The following SP4 variants were observed in gnomAD, a reference collection of about 807,000 sequenced individuals.
SP4 encodes the protein Sp4 transcription factor.
SP4 carries 19 observed loss-of-function variants against 72.8 expected under a neutral mutation model. The observed-to-expected ratio is 0.26, with a 90% CI of 0.18 to 0.38. The LOEUF is 0.38. Among genes scored for constraint, SP4 ranks in the 10% least tolerant of loss-of-function variants. The pLI is 1.00. For missense variants in SP4, 1,008 were observed against 926.3 expected (o/e 1.09, Z -1.14); for synonymous variants, 395 against 333.1 (o/e 1.19, Z -2.02).
chr7:21,489,553 CTTTTTTTT>C (rs1193080485), intron 5 of SP4, among the ~76,000 whole-genome samples: 36 of 82,514 alleles, frequency 4.4e-4, no homozygotes, highest in African/African-American at 8.3e-4. Context: ...TTTCTTTTTT[CTTTTTTTT>C]TTTTTTTTTT....
At chr7:21,477,545 C>G (rs781395373) in intron 4 of SP4, among the ~76,000 whole-genome samples, 1 of 151,992 alleles carries the variant, frequency 6.6e-6, no homozygotes, top group Non-Finnish European at 1.5e-5. Flanking sequence ...CACCCCTCCC[C>G]CACCCCAACA....
intron 3 of SP4, among the ~76,000 whole-genome samples, chr7:21,444,212 AT>A (rs1167597731): frequency 6.6e-6 from 1 of 152,218 alleles, no homozygotes; most frequent in Non-Finnish European, 1.5e-5. Flanking sequence ...AGATGATTGA[AT>A]AACATGGGAC....
At chr7:21,465,532 A>T (rs888362296) in intron 3 of SP4, among the ~76,000 whole-genome samples, 5 of 152,220 alleles carry the variant, frequency 3.3e-5, no homozygotes, top group Admixed American at 3.3e-4. Context: ...GTTTAGTTCG[A>T]TTATAGCCAT....
rs181026085 is a variant in SP4, at chr7:21,503,872, C to T, written c.2108-7150C>T. 1.1e-4 allele frequency among the ~76,000 whole-genome samples: 16 copies of T among 152,268 alleles called. No homozygotes were observed. In the East Asian group the frequency reaches 3.1e-3, roughly 29 times the overall value. ...AGCAAGGGTATAAATCCCTATACACCCATAATTCCTAAGTATTGTATCACA... is the reference window on the plus strand; with the variant it reads ...AGCAAGGGTATAAATCCCTATACACTCATAATTCCTAAGTATTGTATCACA... On this transcript the variant is annotated intron_variant, in intron 5 of 5. Transcript: ENST00000222584.
intron 3 of SP4, among the ~76,000 whole-genome samples, chr7:21,456,928 C>T (rs1448678437): frequency 6.6e-6 from 1 of 152,140 alleles, no homozygotes; most frequent in Non-Finnish European, 1.5e-5. Flanking sequence ...GGAGCAGAGC[C>T]ACTGTGGCCA....
At chr7:21,505,874 A>G (rs1461905717) in intron 5 of SP4, among the ~76,000 whole-genome samples, 5 of 152,094 alleles carry the variant, frequency 3.3e-5, no homozygotes, top group Non-Finnish European at 5.9e-5. Context: ...TGGAAATGGG[A>G]TATTGTTCTC....
chr7:21,504,747 G>C (rs906465812), intron 5 of SP4, among the ~76,000 whole-genome samples: 1 of 152,176 alleles, frequency 6.6e-6, no homozygotes, highest in Non-Finnish European at 1.5e-5. Flanking sequence ...CTATCTCCCG[G>C]CTTTTGGTTT....
intron 5 of SP4, among the ~76,000 whole-genome samples, chr7:21,489,818 A>G (rs1173245277): frequency 6.6e-6 from 1 of 151,964 alleles, no homozygotes; most frequent in African/African-American, 2.4e-5. Flanking sequence ...TCGGCCTCCC[A>G]AAGTGCTGGG....
rs561172251 is a variant in SP4, at chr7:21,442,255, G to A, written c.1678+11412G>A. Among the ~76,000 whole-genome samples the A allele has an allele frequency of 1.7e-4, 26 of 151,994 alleles. No homozygotes were observed. In the East Asian group the frequency reaches 5.1e-3, roughly 30 times the overall value. On this transcript the variant is annotated intron_variant, in intron 3 of 5. Coordinates refer to ENST00000222584, the MANE Select transcript of SP4 (RefSeq NM_003112.5). ...GAGTTTCGCCATGTTGGCCAGGCTG[G>A]TCTTGAACTCCTGACCTCAGGTGAT...
Position 21,481,153 on chromosome 7 carries a change from A to C in SP4, c.1908-771A>C, listed in dbSNP as rs139301507. On this transcript the variant is annotated intron_variant, in intron 4 of 5. Transcript: ENST00000222584. Reference sequence around the variant, plus strand: ...TCATGCCACATCCAAGGTAGAGTCTATGTCCCAGGGCTAAGGACTTGGTTC... The same window carrying C: ...TCATGCCACATCCAAGGTAGAGTCTCTGTCCCAGGGCTAAGGACTTGGTTC... 2.8e-4 allele frequency among the ~76,000 whole-genome samples: 43 copies of C among 152,308 alleles called. 1 individual carries two copies. In the Middle Eastern group the frequency reaches 0.014, roughly 48 times the overall value.
At chr7:21,480,666 G>T (rs555137907) in intron 4 of SP4, among the ~76,000 whole-genome samples, 1 of 152,134 alleles carries the variant, frequency 6.6e-6, no homozygotes, top group African/African-American at 2.4e-5. Flanking sequence ...CTTTTCCCAA[G>T]AATCTCAATA....
At chr7:21,502,040 A>AC (rs55723306) in intron 5 of SP4, among the ~76,000 whole-genome samples, 2,122 of 72,252 alleles carry the variant, frequency 0.029, 131 homozygotes, top group African/African-American at 0.088. Context: ...TTCATTAGGC[A>AC]CCCCCCCCCC....
intron 3 of SP4, among the ~76,000 whole-genome samples, chr7:21,469,430 AAAAG>A (rs1456090142): frequency 6.6e-6 from 1 of 152,176 alleles, no homozygotes; most frequent in African/African-American, 2.4e-5. Flanking sequence ...AATCAGAAGA[AAAAG>A]AAACTTAAAG....
chr7:21,508,086 G>A (rs1315158880), intron 5 of SP4, among the ~76,000 whole-genome samples: 1 of 152,078 alleles, frequency 6.6e-6, no homozygotes, highest in East Asian at 1.9e-4. Flanking sequence ...GCTGCCTCCT[G>A]AATAACAGTC....
At chr7:21,487,254 G>C (rs1784840070) in intron 5 of SP4, among the ~76,000 whole-genome samples, 1 of 152,034 alleles carries the variant, frequency 6.6e-6, no homozygotes, top group Non-Finnish European at 1.5e-5. Context: ...TCTGTGGTGT[G>C]CTGCTAATTT....
intron 3 of SP4, among the ~76,000 whole-genome samples, chr7:21,458,723 GA>G (rs778249209): frequency 2.0e-5 from 3 of 152,110 alleles, no homozygotes; most frequent in Non-Finnish European, 4.4e-5. Context: ...TACTACTGAA[GA>G]TAGATCTGGA....
At chr7:21,463,437 T>C (rs1393015256) in intron 3 of SP4, among the ~76,000 whole-genome samples, 1 of 152,230 alleles carries the variant, frequency 6.6e-6, no homozygotes, top group Non-Finnish European at 1.5e-5. Flanking sequence ...CCTTGGTGTT[T>C]AGCAGCCTAA....
rs1268415400 is a variant in SP4 at position 21,482,119 on chromosome 7, T to C, written c.2103T>C (p.His701=). Residue 701 remains histidine, a synonymous_variant, in exon 5 of 6, where the codon CAT becomes CAC. Coordinates refer to ENST00000222584, the MANE Select transcript of SP4 (RefSeq NM_003112.5). ...SDELQRHRRT[H]TGEKRFECPE... Reference sequence around the variant, plus strand: ...AGCTCCAGAGACATAGAAGAACCCATACAGGTTAGTTGATTTTAGGACTTG... The same window carrying C: ...AGCTCCAGAGACATAGAAGAACCCACACAGGTTAGTTGATTTTAGGACTTG... 6.2e-7 allele frequency: 1 copy of C among 1,612,512 alleles called. No homozygotes were observed. Among genetic ancestry groups the C allele is most frequent in the Non-Finnish European group, 8.5e-7 (1 of 1,178,844 alleles).
Position 21,477,054 on chromosome 7 carries a change from ACTT to A in SP4, c.1679-21_1679-19del, listed in dbSNP as rs770364959. On this transcript the variant is annotated intron_variant, in intron 3 of 5. Transcript: ENST00000222584. The stretch of plus-strand genomic sequence containing the variant: ...CTTTAGGTGTAGAAAACATTACAAT[ACTT>A]CTTTTTTTTCTTCCTTTTTAGGTCA... The A allele has an allele frequency of 1.4e-5, 22 of 1,565,310 alleles. No individual in the cohort carries two copies. The South Asian group carries it at 1.7e-4, about 12-fold the overall frequency.
Sources: allele counts gnomAD v4.1 joint callset (sites outside exome capture counted in the v4.1 genomes callset), GRCh38; gene constraint gnomAD v4.1.1; transcripts MANE v1.5; gene names NCBI Gene and HGNC (gene_info 2026-07-23, HGNC 2026-07-21).